The following PTPRG variants were observed in gnomAD, a reference collection of about 807,000 sequenced individuals.
PTPRG encodes the protein receptor-type tyrosine-protein phosphatase gamma.
A neutral mutation model predicts 165.3 loss-of-function variants in PTPRG; 102 were observed. The observed-to-expected ratio is 0.62, with a 90% confidence interval of 0.53 to 0.73. The LOEUF is 0.73. Among genes scored for constraint, PTPRG ranks in the 30% least tolerant of loss-of-function variants. The probability of loss-of-function intolerance (pLI) is 0.00; values close to 1 mark genes in which losing one functional copy is unlikely to be tolerated. For synonymous variants in PTPRG, 675 were observed against 669.5 expected, an observed-to-expected ratio of 1.01 and a Z score of -0.13; for missense variants, 1,866 against 1,861.4, an observed-to-expected ratio of 1.00 and a Z score of -0.05.
chr3:61,598,868 C>T (rs112390646), intron 1 of PTPRG, among the ~76,000 whole-genome samples: 56 of 152,172 alleles, frequency 3.7e-4, no homozygotes, highest in African/African-American at 9.2e-4. Context: ...GACGTAATTC[C>T]TTCATGTTCA....
chr3:61,854,986 G>A (rs945345305), intron 2 of PTPRG, among the ~76,000 whole-genome samples: 1 of 152,136 alleles, frequency 6.6e-6, no homozygotes. Context: ...GAATGCCGCT[G>A]GTTTATAGTG....
intron 1 of PTPRG, among the ~76,000 whole-genome samples, chr3:61,619,163 T>TA (rs1049190296): frequency 3.3e-5 from 5 of 151,450 alleles, no homozygotes; most frequent in Non-Finnish European, 5.9e-5. Context: ...TCTCAAAAAT[T>TA]AAAAAAAGAA....
At chr3:62,023,623 C>A (rs1054850789) in intron 4 of PTPRG, among the ~76,000 whole-genome samples, 1 of 152,130 alleles carries the variant, frequency 6.6e-6, no homozygotes, top group African/African-American at 2.4e-5. Context: ...TTTTCGTGCA[C>A]AGTTACCAAA....
chr3:62,202,246 C>T (rs1438136750), intron 11 of PTPRG, among the ~76,000 whole-genome samples: 1 of 152,122 alleles, frequency 6.6e-6, no homozygotes, highest in African/African-American at 2.4e-5. Flanking sequence ...GTGAGTAAAA[C>T]CCCCAGACTT....
At chr3:62,148,488 G>T (rs1184761735) in intron 6 of PTPRG, among the ~76,000 whole-genome samples, 1 of 152,176 alleles carries the variant, frequency 6.6e-6, no homozygotes, top group Non-Finnish European at 1.5e-5. Flanking sequence ...GGCTGGGCGT[G>T]GGTGCCCACG....
At chr3:62,284,262 A>C (rs1576223453) in intron 28 of PTPRG, among the ~76,000 whole-genome samples, 1 of 152,108 alleles carries the variant, frequency 6.6e-6, no homozygotes, top group East Asian at 1.9e-4. Flanking sequence ...TTAAATACTA[A>C]ACAGAAGTGT....
intron 2 of PTPRG, among the ~76,000 whole-genome samples, chr3:61,927,944 A>C (rs898199410): frequency 8.5e-5 from 13 of 152,150 alleles, no homozygotes; most frequent in Non-Finnish European, 1.6e-4. Flanking sequence ...GGGATGGGGC[A>C]GGAAGGTGGT....
intron 4 of PTPRG, among the ~76,000 whole-genome samples, chr3:62,007,027 C>T (rs1053071530): frequency 3.9e-5 from 6 of 152,100 alleles, no homozygotes; most frequent in African/African-American, 1.4e-4. Context: ...TGTACCTTGC[C>T]TTATGTGTAA....
chr3:62,267,549 A>G, intron 18 of PTPRG, 57 bp downstream of exon 18: 1 of 1,538,798 alleles, frequency 6.5e-7, no homozygotes, highest in Non-Finnish European at 8.9e-7. Flanking sequence ...TGCAGCAGAA[A>G]CTGTTTAATA....
intron 1 of PTPRG, among the ~76,000 whole-genome samples, chr3:61,671,704 C>T (rs1289892808): frequency 6.7e-6 from 1 of 148,842 alleles, no homozygotes; most frequent in Middle Eastern, 3.6e-3. Context: ...CCTCACTTCC[C>T]AGTAGGGGCG....
intron 6 of PTPRG, among the ~76,000 whole-genome samples, chr3:62,150,323 A>G (rs1257197199): frequency 2.6e-5 from 4 of 152,240 alleles, no homozygotes; most frequent in African/African-American, 9.6e-5. Context: ...GTGGAAGTGA[A>G]TGAGGCTGCA....
chr3:62,283,761 T>C (rs1270388625), intron 28 of PTPRG, among the ~76,000 whole-genome samples: 1 of 152,112 alleles, frequency 6.6e-6, no homozygotes. Context: ...TGTATCATGA[T>C]GTACACAAGA....
chr3:61,721,267 A>G (rs1225750407), intron 1 of PTPRG, among the ~76,000 whole-genome samples: 1 of 152,176 alleles, frequency 6.6e-6, no homozygotes, highest in Non-Finnish European at 1.5e-5. Flanking sequence ...GCTTTAAGTA[A>G]TATAGTATCA....
chr3:62,084,571 A>G (rs1361490739), intron 5 of PTPRG, among the ~76,000 whole-genome samples: 1 of 152,150 alleles, frequency 6.6e-6, no homozygotes, highest in Admixed American at 6.5e-5. Flanking sequence ...ATTTTTCTCC[A>G]TCTGGAGAGG....
At chr3:62,131,766 A>G (rs1351454835) in intron 5 of PTPRG, among the ~76,000 whole-genome samples, 10 of 152,180 alleles carry the variant, frequency 6.6e-5, no homozygotes, top group Non-Finnish European at 1.0e-4. Context: ...GATTGATTCA[A>G]GCTAATCCTG....
At position 62,255,335 on chromosome 3, in the gene PTPRG, T is replaced by C; in HGVS notation, c.2559+120T>C. The stretch of plus-strand genomic sequence containing the variant: ...AAAACAGTAACTACGGAAAGTGGAG[T>C]TTTTCTTTTCATCTATTATTTTAAT... On this transcript the variant is annotated intron_variant, in intron 16 of 29. Coordinates refer to ENST00000474889, the MANE Select transcript of PTPRG (RefSeq NM_002841.4). The surrounding 1 kb of genome is among the most constrained non-coding windows in gnomAD (Gnocchi z 4.0). 1 of 734,818 alleles carries C rather than the reference T, an allele frequency of 1.4e-6. No individual in the cohort carries two copies. The allele number at this position is 734,818 out of a possible 1,614,324, so 45.5% of individuals were successfully genotyped here.
chr3:61,988,316 T>C (rs1455062110), intron 2 of PTPRG, among the ~76,000 whole-genome samples: 2 of 152,202 alleles, frequency 1.3e-5, no homozygotes, highest in African/African-American at 2.4e-5. Flanking sequence ...AAATACTTTC[T>C]GTGATTGTCC....
rs967911545 is a variant in PTPRG at position 61,888,327 on chromosome 3, T to TTTTG, written c.191-101283_191-101280dup. On this transcript the variant is annotated intron_variant, in intron 2 of 29. Coordinates refer to ENST00000474889, the MANE Select transcript of PTPRG (RefSeq NM_002841.4). ...CTGTTCTAGGAAAATGGGTTGTTTTTTTTGTTTGTTTGTTTGTTGTTTTTG... is the reference window on the plus strand; with the variant it reads ...CTGTTCTAGGAAAATGGGTTGTTTTTTTTGTTTGTTTGTTTGTTTGTTGTTTTTG... Among the ~76,000 whole-genome samples, 6 of 110,670 alleles carry TTTTG rather than the reference T, an allele frequency of 5.4e-5. No homozygotes were observed. The South Asian group carries it at 1.1e-3, about 20-fold the overall frequency. The allele number at this position is 110,670 out of a possible 152,430, so 72.6% of individuals were successfully genotyped here.
At chr3:62,265,377 G>A (rs763257065) in intron 17 of PTPRG, among the ~76,000 whole-genome samples, 6 of 151,912 alleles carry the variant, frequency 3.9e-5, no homozygotes, top group Non-Finnish European at 7.4e-5. Context: ...TATTCCATTT[G>A]ATCCTAATGT....
Sources: gnomAD v4.1 joint callset for allele counts (sites outside exome capture counted in the v4.1 genomes callset) on GRCh38, gnomAD v4.1.1 for gene constraint, Gnocchi (gnomAD v3.1) non-coding constraint, MANE v1.5 for transcripts, NCBI Gene and HGNC (gene_info 2026-07-23, HGNC 2026-07-21) for gene names.